The following FAT3 variants were observed in gnomAD, a reference collection of about 807,000 sequenced individuals.
FAT3 encodes FAT atypical cadherin 3, also known as protocadherin Fat 3.
In FAT3, 95 loss-of-function variants were observed where a neutral mutation model predicts 310.2. That is an observed-to-expected ratio of 0.31 (90% CI 0.26 to 0.36). The LOEUF (loss-of-function observed/expected upper bound fraction) is 0.36, where lower values mean the gene tolerates loss of function less well. Ranked by LOEUF, FAT3 falls within the 10% of genes least tolerant of loss-of-function variation. The pLI is 1.00. For missense variants in FAT3, 5,408 were observed against 5,715.6 expected (o/e 0.95, Z 1.74); for synonymous variants, 2,314 against 2,192.9 (o/e 1.06, Z -1.54).
intron 18 of FAT3, 114 bp downstream of exon 18, chr11:92,840,873 C>A: frequency 4.1e-6 from 4 of 973,010 alleles, no homozygotes; most frequent in Non-Finnish European, 5.8e-6. Context: ...CATTACCATG[C>A]GGGAATGTTC....
chr11:92,673,573 G>A (rs1452666113), intron 3 of FAT3, among the ~76,000 whole-genome samples: 2 of 152,164 alleles, frequency 1.3e-5, no homozygotes, highest in Non-Finnish European at 2.9e-5. Flanking sequence ...TAACTGATAG[G>A]CACTCAGATG....
At chr11:92,348,239 G>A (rs895017660) in intron 1 of FAT3, among the ~76,000 whole-genome samples, 1 of 151,668 alleles carries the variant, frequency 6.6e-6, no homozygotes, top group Non-Finnish European at 1.5e-5. Context: ...GTTTTTTGGT[G>A]GTAGGTCTGA....
chr11:92,435,150 C>G (rs1950896032), intron 2 of FAT3, among the ~76,000 whole-genome samples: 1 of 152,140 alleles, frequency 6.6e-6, no homozygotes, highest in African/African-American at 2.4e-5. Context: ...GGACCTCAAG[C>G]CCCTGTGCAG....
At chr11:92,814,730 G>C (rs1947776410) in intron 13 of FAT3, among the ~76,000 whole-genome samples, 1 of 152,150 alleles carries the variant, frequency 6.6e-6, no homozygotes, top group South Asian at 2.1e-4. Flanking sequence ...ACAAGGGGAG[G>C]AAGAACATCA....
At chr11:92,843,885 A>C (rs142191386) in intron 18 of FAT3, 49 bp from the exon 19 acceptor site, 1 of 1,512,992 alleles carries the variant, frequency 6.6e-7, no homozygotes, top group East Asian at 2.3e-5. Context: ...AAAACTTACT[A>C]TGATTAGTTT....
At chr11:92,472,363 T>G (rs190977652) in intron 2 of FAT3, among the ~76,000 whole-genome samples, 34 of 152,244 alleles carry the variant, frequency 2.2e-4, no homozygotes, top group Admixed American at 2.1e-3. Flanking sequence ...CAGCTTTATT[T>G]TGAATATTTT....
chr11:92,743,554 C>T (rs568506573), intron 4 of FAT3, among the ~76,000 whole-genome samples: 1 of 152,318 alleles, frequency 6.6e-6, no homozygotes, highest in South Asian at 2.1e-4. Flanking sequence ...TGCAGGGACA[C>T]CTGGCCAAAT....
At chr11:92,757,999 A>G (rs1946048500) in intron 4 of FAT3, among the ~76,000 whole-genome samples, 1 of 152,180 alleles carries the variant, frequency 6.6e-6, no homozygotes, top group South Asian at 2.1e-4. Flanking sequence ...GTCCACCTCT[A>G]GCTGACCCCC....
intron 3 of FAT3, among the ~76,000 whole-genome samples, chr11:92,660,704 C>T (rs897257782): frequency 2.0e-5 from 3 of 152,168 alleles, no homozygotes; most frequent in Non-Finnish European, 4.4e-5. Context: ...TGATTTCAAT[C>T]GTGGTCTTAA....
At chr11:92,617,702 T>C (rs1333694575) in intron 3 of FAT3, among the ~76,000 whole-genome samples, 2 of 152,232 alleles carry the variant, frequency 1.3e-5, no homozygotes, top group African/African-American at 2.4e-5. Flanking sequence ...TCCTTCTAAC[T>C]GTCAGGACCT....
At chr11:92,797,729 C>T (rs1947212426) in intron 9 of FAT3, 107 bp from the exon 10 acceptor site, 1 of 934,706 alleles carries the variant, frequency 1.1e-6, no homozygotes, top group Non-Finnish European at 1.6e-6. Flanking sequence ...ACTATAATTG[C>T]TTTCTACTTG....
In FAT3 at chr11:92,355,314, C is replaced by T. The variant is rs760429906; in HGVS notation, c.3202C>T (p.Arg1068Ter). The T allele has an allele frequency of 6.2e-7, 1 of 1,613,482 alleles. No individual in the cohort carries two copies. ...AACAAGCGTGCTGCAGGTGACTGCTCGAGATGAAGACTCCGGAAGGGATGG... is the reference window on the plus strand; with the variant it reads ...AACAAGCGTGCTGCAGGTGACTGCTTGAGATGAAGACTCCGGAAGGGATGG... ...IGTSVLQVTA[R>*]DEDSGRDGEI... The change falls in exon 2 of 28, where the codon CGA (arginine) becomes TGA (stop). Residue 1068 changes from arginine (R) to a stop codon, truncating the protein, a stop_gained. Transcript: ENST00000525166. LOFTEE classifies it high-confidence loss of function.
At position 92,840,656 on chromosome 11, in the gene FAT3, C is replaced by T. The variant is rs776915520; in HGVS notation, c.10463C>T (p.Ser3488Leu). The T allele has an allele frequency of 1.6e-5, 26 of 1,612,908 alleles. No individual in the cohort carries two copies. In the South Asian group the frequency reaches 2.0e-4, roughly 12 times the overall value. ...NGPPFSFSIL[S>L]GNEEEEFVLD... Reference sequence around the variant, plus strand: ...CCTCCCTTTTCATTCTCTATTTTGTCGGGAAATGAAGAGGAGGAGTTTGTG... The same window carrying T: ...CCTCCCTTTTCATTCTCTATTTTGTTGGGAAATGAAGAGGAGGAGTTTGTG... Residue 3488 changes from serine to leucine, a missense_variant, in exon 18 of 28, where the codon TCG becomes TTG. Coordinates refer to ENST00000525166, the MANE Select transcript of FAT3 (RefSeq NM_001367949.2).
intron 13 of FAT3, among the ~76,000 whole-genome samples, chr11:92,813,329 G>A (rs921995175): frequency 3.9e-5 from 6 of 152,042 alleles, no homozygotes; most frequent in Non-Finnish European, 7.4e-5. Flanking sequence ...ATAATATATA[G>A]GGAATTCAAG....
intron 2 of FAT3, among the ~76,000 whole-genome samples, chr11:92,437,822 G>C (rs1291631200): frequency 6.6e-6 from 1 of 152,160 alleles, no homozygotes; most frequent in Non-Finnish European, 1.5e-5. Flanking sequence ...TTGAATGCCA[G>C]AACATGGAAA....
At position 92,339,249 on chromosome 11, in the gene FAT3, A is replaced by T. The variant is rs946813152; in HGVS notation, c.-17-12847A>T. On this transcript the variant is annotated intron_variant, in intron 1 of 27. Coordinates refer to ENST00000525166, the MANE Select transcript of FAT3 (RefSeq NM_001367949.2). ...CCTATACCCACTAGATGCCTGCAGC[A>T]TCATTCTCATTGTGATAACAAAAAA... is the stretch of plus-strand genomic sequence containing the variant. Among the ~76,000 whole-genome samples the T allele has an allele frequency of 2.0e-5, 3 of 152,194 alleles. 1 individual carries two copies. In the South Asian group the frequency reaches 6.2e-4, roughly 32 times the overall value.
chr11:92,299,140 G>T (rs1224005069), intron 1 of FAT3, among the ~76,000 whole-genome samples: 2 of 152,020 alleles, frequency 1.3e-5, no homozygotes, highest in Admixed American at 6.6e-5. Flanking sequence ...AGATTGTAGG[G>T]GTACACCAAA....
rs1280001600 is a variant in FAT3, at chr11:92,834,853, C to T, written c.9872-17C>T. 3 of 1,576,972 alleles carry T rather than the reference C, an allele frequency of 1.9e-6. No individual in the cohort carries two copies. In the Admixed American group the frequency reaches 5.4e-5, roughly 28 times the overall value. ...TTTTTCCTAATGAAATATAAAGCTCCCCATTTTTCTTCAAAGGGGGTATTT... is the reference window on the plus strand; with the variant it reads ...TTTTTCCTAATGAAATATAAAGCTCTCCATTTTTCTTCAAAGGGGGTATTT... On this transcript the variant is annotated splice_polypyrimidine_tract_variant and intron_variant, in intron 14 of 27. Coordinates refer to ENST00000525166, the MANE Select transcript of FAT3 (RefSeq NM_001367949.2).
chr11:92,511,027 AC>A (rs757651673), intron 2 of FAT3, among the ~76,000 whole-genome samples: 29 of 152,242 alleles, frequency 1.9e-4, no homozygotes, highest in Admixed American at 2.6e-4. Flanking sequence ...GCCTGAAGGC[AC>A]TGATTCTGGC....
Sources: allele counts gnomAD v4.1 joint callset (sites outside exome capture counted in the v4.1 genomes callset), GRCh38; gene constraint gnomAD v4.1.1; transcripts MANE v1.5; gene names NCBI Gene and HGNC (gene_info 2026-07-23, HGNC 2026-07-21).